BCKDHB: variants seen among roughly 807,000 people sequenced by gnomAD.
The protein encoded by BCKDHB is branched chain keto acid dehydrogenase E1 subunit beta.
In BCKDHB, 41 loss-of-function variants were observed where a neutral mutation model predicts 48.5. That is an observed-to-expected ratio of 0.85 (90% CI 0.66 to 1.10). The LOEUF (loss-of-function observed/expected upper bound fraction) is 1.10, where lower values mean the gene tolerates loss of function less well. Ranked by LOEUF, BCKDHB falls within the 50% of genes least tolerant of loss-of-function variation. The probability of loss-of-function intolerance (pLI) is 0.00; values close to 1 mark genes in which losing one functional copy is unlikely to be tolerated. For missense variants in BCKDHB, 496 were observed against 494.2 expected (o/e 1.00, Z -0.03); for synonymous variants, 201 against 174.8 (o/e 1.15, Z -1.18).
intron 1 of BCKDHB, among the ~76,000 whole-genome samples, chr6:80,108,261 G>A (rs766496360): frequency 2.1e-4 from 31 of 149,714 alleles, no homozygotes; most frequent in Non-Finnish European, 2.2e-4. Flanking sequence ...CTTGGAGGGC[G>A]TCCCAGTATT....
intron 1 of BCKDHB, among the ~76,000 whole-genome samples, chr6:80,120,206 G>A (rs953236214): frequency 6.6e-6 from 1 of 152,084 alleles, no homozygotes; most frequent in African/African-American, 2.4e-5. Flanking sequence ...ATTTTGTATG[G>A]CTGCATAGTA....
chr6:80,131,327 A>G (rs1770621822), intron 3 of BCKDHB, among the ~76,000 whole-genome samples: 1 of 152,208 alleles, frequency 6.6e-6, no homozygotes, highest in African/African-American at 2.4e-5. Context: ...TATGCCTCCT[A>G]GTGCATTTCC....
downstream of BCKDHB, among the ~76,000 whole-genome samples, chr6:80,348,603 T>C (rs58780569): frequency 0.21 from 31,314 of 152,156 alleles, 3,728 homozygotes; most frequent in South Asian, 0.37. Context: ...GACTCAGCCT[T>C]GTCGATGACA....
At chr6:80,143,250 A>G (rs914770598) in intron 3 of BCKDHB, among the ~76,000 whole-genome samples, 1 of 152,118 alleles carries the variant, frequency 6.6e-6, no homozygotes, top group Non-Finnish European at 1.5e-5. Context: ...CATTGAGTTG[A>G]TATTGTCACT....
intron 8 of BCKDHB, among the ~76,000 whole-genome samples, chr6:80,237,026 G>A (rs914604617): frequency 1.3e-5 from 2 of 152,290 alleles, no homozygotes; most frequent in African/African-American, 2.4e-5. Context: ...TCATGCTATT[G>A]TAGAAGACAT....
chr6:80,330,419 T>C (rs935838121), intron 9 of BCKDHB, among the ~76,000 whole-genome samples: 1 of 152,222 alleles, frequency 6.6e-6, no homozygotes, highest in Non-Finnish European at 1.5e-5. Context: ...TGGAATTGTT[T>C]GTTTAATCTA....
chr6:80,419,072 G>C, the BCKDHB span, among the ~76,000 whole-genome samples: 1 of 152,152 alleles, frequency 6.6e-6, no homozygotes, highest in East Asian at 1.9e-4. Flanking sequence ...AGCAGGGCTG[G>C]CTGGCTCTTT....
the BCKDHB span, among the ~76,000 whole-genome samples, chr6:80,386,842 C>G: frequency 6.6e-6 from 1 of 152,198 alleles, no homozygotes; most frequent in Non-Finnish European, 1.5e-5. Context: ...ATTATAAAAA[C>G]AGAGAATCAC....
In BCKDHB at chr6:80,258,462, C is replaced by A. The variant is rs138035080; in HGVS notation, c.952-14673C>A. 5.9e-3 allele frequency among the ~76,000 whole-genome samples: 906 copies of A among 152,342 alleles called. 11 individuals carry two copies. The highest frequency in any genetic ancestry group is 0.021 in the African/African-American group (868 of 41,580). ...TAAAAAGCATCAACCTTATAAACAT[C>A]TTTTCATCACTGGCCTGTAGTTCTG... On this transcript the variant is annotated intron_variant, in intron 8 of 9. Coordinates refer to ENST00000320393, the MANE Select transcript of BCKDHB (RefSeq NM_183050.4).
chr6:80,302,369 T>A (rs538563122), intron 9 of BCKDHB, among the ~76,000 whole-genome samples: 1 of 152,256 alleles, frequency 6.6e-6, no homozygotes, highest in South Asian at 2.1e-4. Context: ...CTAATTGAAA[T>A]ATATACTAAA....
intron 8 of BCKDHB, among the ~76,000 whole-genome samples, chr6:80,233,917 T>A (rs956716907): frequency 6.6e-6 from 1 of 152,192 alleles, no homozygotes; most frequent in Non-Finnish European, 1.5e-5. Flanking sequence ...GAAGACAGTT[T>A]TTCCACAGAC....
intron 9 of BCKDHB, among the ~76,000 whole-genome samples, chr6:80,309,132 C>A (rs986352090): frequency 6.6e-6 from 1 of 151,406 alleles, no homozygotes. Context: ...AGCATGATCT[C>A]GGCTCACTGC....
chr6:80,174,379 GTA>G (rs1025138930), intron 6 of BCKDHB, among the ~76,000 whole-genome samples: 3 of 152,000 alleles, frequency 2.0e-5, no homozygotes, highest in African/African-American at 7.2e-5. Context: ...TCGTTCCTCA[GTA>G]TACTCAGGGG....
chr6:80,238,672 A>G (rs749801295), intron 8 of BCKDHB, among the ~76,000 whole-genome samples: 3 of 151,982 alleles, frequency 2.0e-5, no homozygotes, highest in Non-Finnish European at 4.4e-5. Context: ...ACATATGTAT[A>G]CATGTACCAT....
chr6:80,418,041 T>C, the BCKDHB span, among the ~76,000 whole-genome samples: 1 of 152,178 alleles, frequency 6.6e-6, no homozygotes, highest in Non-Finnish European at 1.5e-5. Context: ...TTTTCATTCA[T>C]TTTTCTTTTT....
chr6:80,324,774 C>A (rs2128004591), intron 9 of BCKDHB, among the ~76,000 whole-genome samples: 2 of 152,270 alleles, frequency 1.3e-5, no homozygotes, highest in South Asian at 4.1e-4. Context: ...GGTGACAGAG[C>A]ATCTCAAAGT....
At chr6:80,412,142 T>A in the BCKDHB span, among the ~76,000 whole-genome samples, 1 of 121,864 alleles carries the variant, frequency 8.2e-6, no homozygotes, top group African/African-American at 3.0e-5. Context: ...TGGTCACAGT[T>A]TACATTTTTT....
At chr6:80,381,997 T>C in the BCKDHB span, among the ~76,000 whole-genome samples, 1 of 152,140 alleles carries the variant, frequency 6.6e-6, no homozygotes, top group Admixed American at 6.6e-5. Context: ...ATGTAATTTC[T>C]GGTAAATTGG....
chr6:80,173,579 A>G lies in BCKDHB; in HGVS notation c.742+2189A>G, dbSNP rs534124768. Among the ~76,000 whole-genome samples the G allele has an allele frequency of 2.0e-5, 3 of 152,272 alleles. No individual in the cohort carries two copies. In the South Asian group the frequency reaches 6.2e-4, roughly 32 times the overall value. On this transcript the variant is annotated intron_variant, in intron 6 of 9. Transcript: ENST00000320393. ...ATTAGAACCTCTGGGAGCAGAGCCC[A>G]GCTCTCTTTGTGTTAGTAGCCCTAT...
Sources: allele counts gnomAD v4.1 joint callset (sites outside exome capture counted in the v4.1 genomes callset), GRCh38; gene constraint gnomAD v4.1.1; transcripts MANE v1.5; gene names NCBI Gene and HGNC (gene_info 2026-07-23, HGNC 2026-07-21).